Variants in NEURL1 observed in about 807,000 individuals in gnomAD.
NEURL1 encodes the protein neuralized E3 ubiquitin protein ligase 1.
Under a neutral mutation model 41.2 loss-of-function variants are expected in NEURL1, and 26 were observed. The ratio of observed to expected loss-of-function variants is 0.63; its 90% CI spans 0.46 to 0.87. The LOEUF (loss-of-function observed/expected upper bound fraction) is 0.87, where lower values mean the gene tolerates loss of function less well. NEURL1 is among the 40% of genes least tolerant of loss of function. NEURL1 has a pLI of 0.00. For synonymous variants in NEURL1, 400 were observed against 402.3 expected (o/e 0.99, Z 0.07); for missense variants, 761 against 871.1 (o/e 0.87, Z 1.59).
At chr10:103,542,686 G>GT (rs1468464137) in intron 1 of NEURL1, among the ~76,000 whole-genome samples, 1 of 152,154 alleles carries the variant, frequency 6.6e-6, no homozygotes, top group Non-Finnish European at 1.5e-5. Context: ...TCACTTACTA[G>GT]TTTTTTGTGG....
chr10:103,573,669 G>T (rs985060733), intron 3 of NEURL1, among the ~76,000 whole-genome samples: 3 of 152,296 alleles, frequency 2.0e-5, no homozygotes, highest in East Asian at 3.9e-4. Context: ...GGTTGTGAAG[G>T]CTTTGACTTA....
At chr10:103,559,482 G>A (rs1321734335) in intron 1 of NEURL1, among the ~76,000 whole-genome samples, 1 of 152,118 alleles carries the variant, frequency 6.6e-6, no homozygotes, top group African/African-American at 2.4e-5. Context: ...CCTGAGGGGT[G>A]GGTGGGGTAG....
intron 1 of NEURL1, among the ~76,000 whole-genome samples, chr10:103,570,042 G>C (rs1179432182): frequency 2.0e-5 from 3 of 152,182 alleles, no homozygotes; most frequent in African/African-American, 7.2e-5. Context: ...GTCTGGGGAG[G>C]CAGGCCCAAT....
rs1029131897 is a variant in NEURL1, at chr10:103,530,949, G to A, written c.85+36477G>A. Among the ~76,000 whole-genome samples the A allele has an allele frequency of 8.5e-4, 129 of 152,184 alleles. 1 individual carries two copies. The highest frequency in any genetic ancestry group is 2.9e-3 in the African/African-American group (121 of 41,534). On this transcript the variant is annotated intron_variant, in intron 1 of 5. Transcript: ENST00000369780. The stretch of plus-strand genomic sequence containing the variant: ...AAAAATAATATGTATTTGCCTGGGC[G>A]TGGTGGCTTATGCCTATAATCCCAG...
rs2033612472 is a variant in NEURL1 at position 103,493,842 on chromosome 10, A to G, written c.-546A>G. 6.6e-6 allele frequency: 1 copy of G among 151,772 alleles called. No individual in the cohort carries two copies. Among genetic ancestry groups the G allele is most frequent in the South Asian group, 2.1e-4 (1 of 4,832 alleles). 9.4% of individuals were successfully genotyped at this position (151,772 alleles called of 1,614,324 possible). A position where few individuals can be genotyped will look rare whatever the true frequency, so the allele number is the denominator to read the frequency against. Reference sequence around the variant, plus strand: ...GGGACCGCGGCGGTCGGGGGACACCAGCTGCGTCGGAGCGCCCAGAACGCC... The same window carrying G: ...GGGACCGCGGCGGTCGGGGGACACCGGCTGCGTCGGAGCGCCCAGAACGCC... On this transcript the variant is annotated 5_prime_UTR_variant, in exon 1 of 6. Transcript: ENST00000369780.
At chr10:103,525,423 G>A (rs1247422579) in intron 1 of NEURL1, among the ~76,000 whole-genome samples, 4 of 147,144 alleles carry the variant, frequency 2.7e-5, no homozygotes, top group African/African-American at 7.5e-5. Context: ...GCATCACCTC[G>A]GCCCACTACA....
intron 1 of NEURL1, among the ~76,000 whole-genome samples, chr10:103,540,922 A>G (rs188621556): frequency 1.2e-4 from 19 of 152,354 alleles, no homozygotes; most frequent in South Asian, 8.3e-4. Flanking sequence ...TGTGCTGCCA[A>G]TGGCCAGGGT....
Position 103,530,275 on chromosome 10 carries a change from A to G in NEURL1, c.85+35803A>G, listed in dbSNP as rs140160661. Among the ~76,000 whole-genome samples, 14 of 151,324 alleles carry G rather than the reference A, an allele frequency of 9.3e-5. No individual in the cohort carries two copies. In the East Asian group the frequency reaches 2.7e-3, roughly 29 times the overall value. ...GTTCTTTCTTTTCTAGTGCCTTGAGATACTTCACTAGATTTTTTTTTTTAC... is the reference window on the plus strand; with the variant it reads ...GTTCTTTCTTTTCTAGTGCCTTGAGGTACTTCACTAGATTTTTTTTTTTAC... On this transcript the variant is annotated intron_variant, in intron 1 of 5. Transcript: ENST00000369780.
intron 1 of NEURL1, among the ~76,000 whole-genome samples, chr10:103,569,207 A>G (rs1166110132): frequency 6.6e-6 from 1 of 152,326 alleles, no homozygotes; most frequent in East Asian, 1.9e-4. Context: ...AGGGAATGGA[A>G]GCCCTGCAGT....
chr10:103,503,788 C>CTTTTTTT (rs56098530), intron 1 of NEURL1, among the ~76,000 whole-genome samples: 3 of 110,582 alleles, frequency 2.7e-5, no homozygotes, highest in Non-Finnish European at 5.2e-5. Flanking sequence ...CTCCCCCTGG[C>CTTTTTTT]TTTTTTTTTT....
chr10:103,532,995 T>C (rs2034605107), intron 1 of NEURL1, among the ~76,000 whole-genome samples: 1 of 144,684 alleles, frequency 6.9e-6, no homozygotes, highest in Admixed American at 7.2e-5. Context: ...GGCGTGATCT[T>C]GGCTCACTGC....
intron 1 of NEURL1, among the ~76,000 whole-genome samples, chr10:103,552,981 A>G (rs939577494): frequency 1.3e-5 from 2 of 152,132 alleles, no homozygotes; most frequent in African/African-American, 4.8e-5. Flanking sequence ...ATTCCAAGTG[A>G]GGAGAAGGCA....
chr10:103,520,765 G>A (rs145930480), intron 1 of NEURL1, among the ~76,000 whole-genome samples: 340 of 152,262 alleles, frequency 2.2e-3, no homozygotes, highest in African/African-American at 7.8e-3. Context: ...TGCTTCCAGC[G>A]GGATTAGGGT....
intron 1 of NEURL1, among the ~76,000 whole-genome samples, chr10:103,547,452 G>GCAGGGC (rs1348540398): frequency 6.6e-6 from 1 of 152,252 alleles, no homozygotes; most frequent in Non-Finnish European, 1.5e-5. Context: ...GCAGGCAGGG[G>GCAGGGC]CAGGGCCAGG....
In NEURL1 at chr10:103,585,072, G is replaced by T; in HGVS notation, c.1186G>T (p.Gly396Cys). 6.3e-7 allele frequency: 1 copy of T among 1,590,750 alleles called. No homozygotes were observed. Residue 396 changes from glycine to cysteine, a missense_variant, in exon 4 of 6, where the codon GGC (glycine) becomes TGC (cysteine). Transcript: ENST00000369780. ...CCGCGTGCCCGGGCCCCTGCACAGCGGCGACATCCTGGGCCTGGTGGTCAA... is the reference window on the plus strand; with the variant it reads ...CCGCGTGCCCGGGCCCCTGCACAGCTGCGACATCCTGGGCCTGGTGGTCAA... ...VCRVPGPLHS[G>C]DILGLVVNAD...
chr10:103,535,011 C>T (rs935190352), intron 1 of NEURL1, among the ~76,000 whole-genome samples: 1 of 152,084 alleles, frequency 6.6e-6, no homozygotes, highest in African/African-American at 2.4e-5. Context: ...GCCTGGGAGA[C>T]AAGGCATGGC....
chr10:103,581,085 G>A (rs1292925790), intron 3 of NEURL1, among the ~76,000 whole-genome samples: 1 of 152,176 alleles, frequency 6.6e-6, no homozygotes, highest in Non-Finnish European at 1.5e-5. Context: ...AATATCTGAA[G>A]TTATCGGGTA....
At chr10:103,586,390 C>A (rs1258947475) in intron 4 of NEURL1, among the ~76,000 whole-genome samples, 1 of 152,116 alleles carries the variant, frequency 6.6e-6, no homozygotes, top group African/African-American at 2.4e-5. Flanking sequence ...AGTGCAGATT[C>A]TTGGACCCCC....
At chr10:103,499,482 CTTCTTTTCTT>C (rs369077843) in intron 1 of NEURL1, among the ~76,000 whole-genome samples, 5,392 of 148,788 alleles carry the variant, frequency 0.036, 127 homozygotes, top group East Asian at 0.1. Context: ...CCTTCCCTTC[CTTCTTTTCTT>C]TTCTTTTCTT....
Sources: allele counts gnomAD v4.1 joint callset (sites outside exome capture counted in the v4.1 genomes callset), GRCh38; gene constraint gnomAD v4.1.1; transcripts MANE v1.5; gene names NCBI Gene and HGNC (gene_info 2026-07-23, HGNC 2026-07-21).